Variants in FAM120A observed in about 807,000 individuals in gnomAD.
FAM120A encodes the protein constitutive coactivator of PPAR-gamma-like protein 1.
A neutral mutation model predicts 109.7 loss-of-function variants in FAM120A; 15 were observed. The ratio of observed to expected loss-of-function variants is 0.14; its 90% CI spans 0.09 to 0.21. FAM120A has a LOEUF of 0.21. Ranked by LOEUF, FAM120A falls within the 10% of genes least tolerant of loss-of-function variation. FAM120A has a pLI of 1.00. For synonymous variants in FAM120A, 493 were observed against 572.8 expected (o/e 0.86, Z 1.99); for missense variants, 899 against 1,439.3 (o/e 0.62, Z 6.07).
At chr9:93,453,375 C>T in intron 1 of FAM120A, 1 of 985,496 alleles carries the variant, frequency 1.0e-6, no homozygotes, top group African/African-American at 1.7e-5. Context: ...ATCCATGATC[C>T]TGGACTTCAC....
chr9:93,557,915 C>A lies in FAM120A; in HGVS notation c.2573C>A (p.Pro858Gln). 6.2e-7 allele frequency: 1 copy of A among 1,611,506 alleles called. No homozygotes were observed. The highest frequency in any genetic ancestry group is 2.2e-5 in the East Asian group (1 of 44,880). Residue 858 changes from proline to glutamine, a missense_variant, in exon 14 of 18, where the codon CCG becomes CAG. Transcript: ENST00000277165. ...AGGCAGAGCCACACGCTCCCTTTCC[C>A]GCCGCCACCTGCCCTGCCCTTCTAC... is the stretch of plus-strand genomic sequence containing the variant. ...FSRQSHTLPF[P>Q]PPPALPFYPA...
In FAM120A at chr9:93,452,705, C is replaced by T. The variant is rs774516228; in HGVS notation, c.474+316C>T. The T allele has an allele frequency of 6.3e-7, 1 of 1,598,528 alleles. No homozygotes were observed. Among genetic ancestry groups the T allele is most frequent in the Non-Finnish European group, 8.5e-7 (1 of 1,179,854 alleles). On this transcript the variant is annotated intron_variant, in intron 1 of 17. Coordinates refer to ENST00000277165, the MANE Select transcript of FAM120A (RefSeq NM_014612.5). The surrounding 1 kb of genome is among the most constrained non-coding windows in gnomAD (Gnocchi z 7.0). ...ATCATCCCCAATATCCTTAGTTTTT[C>T]CCATCCTATTTGAGGCGGGCAGGCT...
At chr9:93,472,644 A>C (rs1858358963) in intron 2 of FAM120A, among the ~76,000 whole-genome samples, 1 of 152,216 alleles carries the variant, frequency 6.6e-6, no homozygotes, top group Non-Finnish European at 1.5e-5. Flanking sequence ...ATTGTGGATT[A>C]TTTTTAGAAA....
chr9:93,457,962 A>G (rs1289663435), intron 1 of FAM120A, among the ~76,000 whole-genome samples: 4 of 152,154 alleles, frequency 2.6e-5, no homozygotes, highest in Non-Finnish European at 1.5e-5. Context: ...GGCCACTTCC[A>G]TAGTATATTC....
chr9:93,479,522 G>C (rs557441626), intron 3 of FAM120A, among the ~76,000 whole-genome samples: 1 of 152,282 alleles, frequency 6.6e-6, no homozygotes, highest in East Asian at 1.9e-4. Context: ...AGGATGCAAA[G>C]TCACGTGTCC....
At chr9:93,476,418 C>A in intron 3 of FAM120A, 80 bp downstream of exon 3, 1 of 930,678 alleles carries the variant, frequency 1.1e-6, no homozygotes, top group Non-Finnish European at 1.7e-6. Flanking sequence ...ATGTTAGGCC[C>A]TTTATTGGTG....
intron 12 of FAM120A, among the ~76,000 whole-genome samples, chr9:93,551,503 CTTGTTTTGTTTTATT>C (rs1198479832): frequency 1.3e-5 from 2 of 151,852 alleles, no homozygotes; most frequent in African/African-American, 2.4e-5. Context: ...GCCATCAGTT[CTTGTTTTGTTTTATT>C]TTGTTTTGTT....
chr9:93,517,150 C>T (rs1172103035), intron 7 of FAM120A, among the ~76,000 whole-genome samples: 2 of 152,186 alleles, frequency 1.3e-5, no homozygotes, highest in Admixed American at 1.3e-4. Flanking sequence ...GAATAAATGT[C>T]TGTTGACCCA....
Position 93,526,511 on chromosome 9 carries a change from CT to C in FAM120A, c.1419-634del, listed in dbSNP as rs148167030. ...CTTCTCATCTCTTTTTCCTTATCCC[CT>C]TTTTTTTTTCACTACTTTGTTAAAT... is the stretch of plus-strand genomic sequence containing the variant. On this transcript the variant is annotated intron_variant, in intron 7 of 17. Coordinates refer to ENST00000277165, the MANE Select transcript of FAM120A (RefSeq NM_014612.5). Among the ~76,000 whole-genome samples the C allele has an allele frequency of 2.9e-3, 424 of 148,740 alleles. 3 individuals are homozygous for C. Among genetic ancestry groups the C allele is most frequent in the Middle Eastern group, 0.01 (3 of 286 alleles).
chr9:93,506,546 CT>C, intron 5 of FAM120A, among the ~76,000 whole-genome samples: 1 of 150,378 alleles, frequency 6.6e-6, no homozygotes. Flanking sequence ...TCTTTTTGAT[CT>C]TCCTGATCCA....
chr9:93,478,658 T>C (rs1056492102), intron 3 of FAM120A, among the ~76,000 whole-genome samples: 2 of 152,148 alleles, frequency 1.3e-5, no homozygotes, highest in African/African-American at 2.4e-5. Context: ...GTGTTTTTAG[T>C]AGAGGCAGGG....
At chr9:93,487,359 AC>A (rs1376881905) in intron 3 of FAM120A, among the ~76,000 whole-genome samples, 2 of 152,042 alleles carry the variant, frequency 1.3e-5, no homozygotes. Flanking sequence ...ACGGAGTTTC[AC>A]CATGTTGGCC....
chr9:93,497,652 G>A, intron 4 of FAM120A, 53 bp downstream of exon 4: 1 of 1,557,724 alleles, frequency 6.4e-7, no homozygotes. Flanking sequence ...ATATGACGTT[G>A]CATAGTGGTG....
At chr9:93,473,632 T>C (rs945689604) in intron 2 of FAM120A, among the ~76,000 whole-genome samples, 1 of 152,222 alleles carries the variant, frequency 6.6e-6, no homozygotes, top group Non-Finnish European at 1.5e-5. Flanking sequence ...TTATATGTTA[T>C]TTTGTGAAAG....
At chr9:93,453,807 G>T (rs79469056) in intron 1 of FAM120A, among the ~76,000 whole-genome samples, 1 of 152,104 alleles carries the variant, frequency 6.6e-6, no homozygotes, top group Non-Finnish European at 1.5e-5. Context: ...TGTCTGAAGC[G>T]ATCCATCTCC....
In FAM120A at chr9:93,470,644, T is replaced by TA. The variant is rs1182391195; in HGVS notation, c.475-496dup. On this transcript the variant is annotated intron_variant, in intron 1 of 17. Transcript: ENST00000277165. Reference sequence around the variant, plus strand: ...AGGAGGATAAGAACTGGTTGACAGGTAGGCCGAGGGATCATACTTTTATTT... The same window carrying TA: ...AGGAGGATAAGAACTGGTTGACAGGTAAGGCCGAGGGATCATACTTTTATTT... Among the ~76,000 whole-genome samples, 8 of 152,292 alleles carry TA rather than the reference T, an allele frequency of 5.3e-5. No individual in the cohort carries two copies. The East Asian group carries it at 1.2e-3, about 22-fold the overall frequency.
intron 12 of FAM120A, among the ~76,000 whole-genome samples, chr9:93,552,550 G>C (rs79467770): frequency 0.029 from 4,338 of 151,670 alleles, 88 homozygotes; most frequent in East Asian, 0.07. Flanking sequence ...GCATTTGTTG[G>C]GGGGGAAAGG....
chr9:93,518,572 G>A (rs1454596156), intron 7 of FAM120A, among the ~76,000 whole-genome samples: 1 of 152,234 alleles, frequency 6.6e-6, no homozygotes, highest in Non-Finnish European at 1.5e-5. Flanking sequence ...ACAGGGCAGA[G>A]GACAGGAGTG....
intron 1 of FAM120A, among the ~76,000 whole-genome samples, chr9:93,459,967 A>C (rs990599043): frequency 2.0e-5 from 3 of 152,240 alleles, no homozygotes; most frequent in Non-Finnish European, 2.9e-5. Flanking sequence ...ATGTCCAAGT[A>C]CACCAGGAAG....
Sources: allele counts gnomAD v4.1 joint callset (sites outside exome capture counted in the v4.1 genomes callset), GRCh38; gene constraint gnomAD v4.1.1; non-coding constraint Gnocchi (gnomAD v3.1); transcripts MANE v1.5; gene names NCBI Gene and HGNC (gene_info 2026-07-23, HGNC 2026-07-21).